Variants in EMCN observed in about 807,000 individuals in gnomAD.
The protein encoded by EMCN is MUC-14.
EMCN carries 37 observed loss-of-function variants against 38.4 expected under a neutral mutation model. The observed-to-expected ratio is 0.96, with a 90% CI of 0.74 to 1.27. EMCN has a LOEUF of 1.27. EMCN is among the 50% of genes most tolerant of loss of function. The pLI is 0.00. For missense variants in EMCN, 318 were observed against 302.8 expected, an observed-to-expected ratio of 1.05 and a Z score of -0.37; for synonymous variants, 95 against 100.8, an observed-to-expected ratio of 0.94 and a Z score of 0.35.
At chr4:100,419,620 A>G (rs1726833077) in intron 8 of EMCN, among the ~76,000 whole-genome samples, 1 of 152,130 alleles carries the variant, frequency 6.6e-6, no homozygotes. Context: ...ATTTTTACAT[A>G]TCCTGCTTAC....
intron 4 of EMCN, among the ~76,000 whole-genome samples, chr4:100,457,274 A>C (rs116074207): frequency 7.6e-4 from 116 of 151,692 alleles, no homozygotes; most frequent in African/African-American, 2.8e-3. Context: ...TCATTTTACT[A>C]CTTCCTTCTC....
chr4:100,492,800 C>A lies in EMCN; in HGVS notation c.65-12761G>T, dbSNP rs574197267. ...CTAAATAAATCAAAATAATTTATTA[C>A]CAGAAAAAAAGCAAGGGGTGGTGTA... is the stretch of plus-strand genomic sequence containing the variant. On this transcript the variant is annotated intron_variant, in intron 1 of 11. Transcript: ENST00000296420. Among the ~76,000 whole-genome samples the A allele has an allele frequency of 3.9e-5, 6 of 152,130 alleles. No homozygotes were observed. In the South Asian group the frequency reaches 1.2e-3, roughly 32 times the overall value.
chr4:100,465,001 TGG>T (rs1330855272), intron 4 of EMCN, among the ~76,000 whole-genome samples: 1 of 152,128 alleles, frequency 6.6e-6, no homozygotes, highest in Non-Finnish European at 1.5e-5. Flanking sequence ...CATCATGGCT[TGG>T]GGTTTTCTTC....
chr4:100,410,732 T>C (rs915485440), intron 10 of EMCN, among the ~76,000 whole-genome samples: 1 of 152,168 alleles, frequency 6.6e-6, no homozygotes, highest in Non-Finnish European at 1.5e-5. Flanking sequence ...TAAAGTGCCA[T>C]TTTATCAGGA....
chr4:100,500,935 T>A (rs1298890730), intron 1 of EMCN, among the ~76,000 whole-genome samples: 1 of 152,066 alleles, frequency 6.6e-6, no homozygotes, highest in Non-Finnish European at 1.5e-5. Flanking sequence ...TCTTACTGAT[T>A]TGTAGTTTTT....
chr4:100,459,919 T>A (rs1019793195), intron 4 of EMCN, among the ~76,000 whole-genome samples: 2 of 152,182 alleles, frequency 1.3e-5, no homozygotes, highest in African/African-American at 4.8e-5. Context: ...ACACACTAAT[T>A]TTATTTCCTT....
chr4:100,447,441 C>G (rs909460136), intron 5 of EMCN, 92 bp downstream of exon 5: 1 of 873,586 alleles, frequency 1.1e-6, no homozygotes, highest in Non-Finnish European at 1.8e-6. Context: ...TGCTATTTCT[C>G]CCTGCCCCCA....
At chr4:100,400,542 G>A (rs1430558493) in intron 11 of EMCN, among the ~76,000 whole-genome samples, 2 of 151,910 alleles carry the variant, frequency 1.3e-5, no homozygotes, top group Non-Finnish European at 2.9e-5. Context: ...TAAGCTCCTT[G>A]AGAACTGCAA....
rs528082292 is a variant in EMCN, at chr4:100,462,060, G to C, written c.376+3363C>G. On this transcript the variant is annotated intron_variant, in intron 4 of 11. Coordinates refer to ENST00000296420, the MANE Select transcript of EMCN (RefSeq NM_016242.4). ...AATGTGTGCAAACACATTATATCAA[G>C]TAGGGTCCATGTTGGGCAATAAGCA... Among the ~76,000 whole-genome samples, 7 of 152,312 alleles carry C rather than the reference G, an allele frequency of 4.6e-5. No homozygotes were observed. The East Asian group carries it at 9.6e-4, about 21-fold the overall frequency.
chr4:100,473,021 A>T (rs10028867), intron 3 of EMCN, among the ~76,000 whole-genome samples: 6,640 of 124,250 alleles, frequency 0.053, 206 homozygotes, highest in African/African-American at 0.086. Context: ...ATATATATAT[A>T]TTTTTTTTTT....
intron 5 of EMCN, among the ~76,000 whole-genome samples, chr4:100,431,326 G>A (rs1727193092): frequency 6.6e-6 from 1 of 152,200 alleles, no homozygotes; most frequent in African/African-American, 2.4e-5. Flanking sequence ...TGGGCCACAG[G>A]TGCCCAGATG....
chr4:100,452,646 A>G (rs1727880433), intron 4 of EMCN, among the ~76,000 whole-genome samples: 1 of 152,122 alleles, frequency 6.6e-6, no homozygotes, highest in Non-Finnish European at 1.5e-5. Flanking sequence ...TAGATACCAG[A>G]ATGACTAAGT....
intron 1 of EMCN, 91 bp from the exon 2 acceptor site, chr4:100,480,130 A>G: frequency 8.6e-7 from 1 of 1,160,346 alleles, no homozygotes. Flanking sequence ...GGTCAGTAGA[A>G]TGTGAATTTG....
chr4:100,469,020 T>A (rs1728399923), intron 3 of EMCN, among the ~76,000 whole-genome samples: 1 of 152,074 alleles, frequency 6.6e-6, no homozygotes, highest in Non-Finnish European at 1.5e-5. Context: ...AGTATAATAC[T>A]GGCATGAAAA....
At chr4:100,446,573 GTTTA>G (rs556929760) in intron 5 of EMCN, among the ~76,000 whole-genome samples, 1 of 151,732 alleles carries the variant, frequency 6.6e-6, no homozygotes, top group Non-Finnish European at 1.5e-5. Context: ...CATATTTTTA[GTTTA>G]TTTATTTTCA....
intron 5 of EMCN, among the ~76,000 whole-genome samples, chr4:100,437,813 TA>T (rs1192755819): frequency 1.2e-4 from 18 of 152,146 alleles, no homozygotes; most frequent in African/African-American, 4.3e-4. Context: ...ATTTGTAATA[TA>T]ATTTTAACTC....
intron 11 of EMCN, among the ~76,000 whole-genome samples, chr4:100,403,495 A>C (rs1423996691): frequency 7.3e-6 from 1 of 136,308 alleles, no homozygotes; most frequent in Admixed American, 7.0e-5. Context: ...ATCTAGGTTC[A>C]TTCCATGTCT....
intron 4 of EMCN, among the ~76,000 whole-genome samples, chr4:100,459,698 G>C (rs374011702): frequency 3.9e-5 from 6 of 152,190 alleles, no homozygotes; most frequent in Admixed American, 2.0e-4. Flanking sequence ...TGTGCCAGAC[G>C]TATTTCAGTT....
chr4:100,451,788 C>CATA (rs1727846110), intron 4 of EMCN, among the ~76,000 whole-genome samples: 2 of 151,848 alleles, frequency 1.3e-5, no homozygotes, highest in Non-Finnish European at 2.9e-5. Context: ...CTTACTTTGC[C>CATA]TGGCTTTTAT....
Sources: gnomAD v4.1 joint callset for allele counts (sites outside exome capture counted in the v4.1 genomes callset) on GRCh38, gnomAD v4.1.1 for gene constraint, MANE v1.5 for transcripts, NCBI Gene and HGNC (gene_info 2026-07-23, HGNC 2026-07-21) for gene names.